Variants in FAM193A observed in about 807,000 individuals in gnomAD.
FAM193A encodes family with sequence similarity 193 member A, also known as protein FAM193A.
FAM193A carries 22 observed loss-of-function variants against 126.5 expected under a neutral mutation model. The ratio of observed to expected loss-of-function variants is 0.17; its 90% CI spans 0.12 to 0.25. The LOEUF is 0.25. FAM193A is among the 10% of genes least tolerant of loss of function. FAM193A has a pLI of 1.00. For synonymous variants in FAM193A, 761 were observed against 646.8 expected (o/e 1.18, Z -2.68); for missense variants, 1,675 against 1,672.8 (o/e 1.00, Z -0.02).
chr4:2,599,221 T>C (rs1406165934), intron 2 of FAM193A, among the ~76,000 whole-genome samples: 4 of 152,144 alleles, frequency 2.6e-5, no homozygotes, highest in African/African-American at 9.7e-5. Context: ...AAACTGTTTT[T>C]TTTTTTTCTA....
At chr4:2,688,015 C>T (rs1188657928) in intron 13 of FAM193A, among the ~76,000 whole-genome samples, 7 of 152,150 alleles carry the variant, frequency 4.6e-5, no homozygotes, top group Non-Finnish European at 2.9e-5. Context: ...GGAACCCTCC[C>T]ACTTGAGTTT....
chr4:2,572,980 A>G (rs1398354302), intron 1 of FAM193A, among the ~76,000 whole-genome samples: 1 of 152,056 alleles, frequency 6.6e-6, no homozygotes, highest in Admixed American at 6.6e-5. Context: ...TTTCCTCTGC[A>G]TAGGGAATAC....
At chr4:2,657,028 G>C (rs2282767) in intron 7 of FAM193A, among the ~76,000 whole-genome samples, 49,350 of 152,004 alleles carry the variant, frequency 0.32, 9,474 homozygotes, top group Admixed American at 0.52. Context: ...TGAGCTGGGC[G>C]TGGTGGCGGG....
intron 1 of FAM193A, among the ~76,000 whole-genome samples, chr4:2,565,696 A>T (rs548746024): frequency 6.6e-6 from 1 of 152,346 alleles, no homozygotes; most frequent in East Asian, 1.9e-4. Context: ...TGCATAGGGA[A>T]CTGCTTACAG....
intron 1 of FAM193A, among the ~76,000 whole-genome samples, chr4:2,549,466 G>A (rs1186637618): frequency 3.0e-5 from 4 of 132,608 alleles, no homozygotes; most frequent in Non-Finnish European, 4.7e-5. Flanking sequence ...GCGGGATCTC[G>A]GCTCACTGCA....
At chr4:2,622,283 A>C (rs2515929) in intron 2 of FAM193A, among the ~76,000 whole-genome samples, 7 of 142,162 alleles carry the variant, frequency 4.9e-5, no homozygotes, top group African/African-American at 1.6e-4. Flanking sequence ...AAAAAAAAAA[A>C]CCTAAATGTC....
Position 2,699,921 on chromosome 4 carries a change from C to G in FAM193A, c.3749C>G (p.Thr1250Arg), listed in dbSNP as rs747551417. 1 of 1,613,964 alleles carries G rather than the reference C, an allele frequency of 6.2e-7. No individual in the cohort carries two copies. Among genetic ancestry groups the G allele is most frequent in the African/African-American group, 1.3e-5 (1 of 74,874 alleles). Reference protein sequence around the residue: ...DMLTRNFQAATESVPNSGNIH... With the variant: ...DMLTRNFQAARESVPNSGNIH... The stretch of plus-strand genomic sequence containing the variant: ...CTCACTAGAAATTTCCAGGCAGCAA[C>G]AGAGTCTGTTCCTAACTCTGGAAAC... The change falls in exon 19 of 21, where the codon ACA becomes AGA. Residue 1250 changes from threonine to arginine, a missense_variant. Around this residue, in one of 4 missense-constraint regions of FAM193A, gnomAD observed 415 missense variants for 396.7 expected, o/e 1.05. Transcript: ENST00000637812.
chr4:2,566,365 G>C (rs1738951007), intron 1 of FAM193A, among the ~76,000 whole-genome samples: 1 of 151,996 alleles, frequency 6.6e-6, no homozygotes, highest in Admixed American at 6.6e-5. Context: ...ATTGCTTTTT[G>C]ATAGAAGGTT....
intron 5 of FAM193A, among the ~76,000 whole-genome samples, chr4:2,636,146 C>G (rs923560039): frequency 1.4e-4 from 21 of 151,884 alleles, no homozygotes; most frequent in African/African-American, 5.1e-4. Context: ...TCACTGCAAC[C>G]TCTGCTTCCT....
intron 2 of FAM193A, among the ~76,000 whole-genome samples, chr4:2,598,785 T>C (rs891091952): frequency 2.6e-5 from 4 of 152,244 alleles, no homozygotes; most frequent in Admixed American, 6.5e-5. Context: ...GGGCTGTCTC[T>C]AGCACTGTGC....
Position 2,646,832 on chromosome 4 carries a change from G to T in FAM193A, c.1311G>T (p.Gln437His). 6.2e-7 allele frequency: 1 copy of T among 1,611,128 alleles called. No individual in the cohort carries two copies. Among genetic ancestry groups the T allele is most frequent in the South Asian group, 1.1e-5 (1 of 90,650 alleles). ...QKRIDAYVDE[Q>H]MTMKTKQRML... ...GGATCGACGCCTATGTCGACGAGCA[G>T]GTGAGTGCCACCCGGGACCACCGCA... The change falls in exon 7 of 21, where the codon CAG becomes CAT. Residue 437 changes from glutamine to histidine, a missense_variant and splice_region_variant. Coordinates refer to ENST00000637812, the MANE Select transcript of FAM193A (RefSeq NM_001366318.2).
intron 9 of FAM193A, 34 bp downstream of exon 9, chr4:2,659,704 C>G: frequency 6.2e-7 from 1 of 1,610,312 alleles, no homozygotes; most frequent in Non-Finnish European, 8.5e-7. Flanking sequence ...CACGACTGGC[C>G]CATTGGACCT....
intron 5 of FAM193A, among the ~76,000 whole-genome samples, chr4:2,634,887 T>G (rs1743938174): frequency 6.6e-6 from 1 of 152,226 alleles, no homozygotes; most frequent in South Asian, 2.1e-4. Context: ...GAGACTACAA[T>G]GAATCTATGT....
In FAM193A at chr4:2,545,693, A is replaced by T. The variant is rs144194070; in HGVS notation, c.255+8523A>T. On this transcript the variant is annotated intron_variant, in intron 1 of 20. Transcript: ENST00000637812. ...AGCAAAATTGATACTAATTAAAAAA[A>T]TTTTTTGAAACAGACTCTGACTCTG... is the stretch of plus-strand genomic sequence containing the variant. Among the ~76,000 whole-genome samples, 151 of 152,184 alleles carry T rather than the reference A, an allele frequency of 9.9e-4. 1 individual carries two copies. In the East Asian group the frequency reaches 0.022, roughly 22 times the overall value.
At chr4:2,680,533 C>T (rs116395799) in intron 13 of FAM193A, among the ~76,000 whole-genome samples, 466 of 152,046 alleles carry the variant, frequency 3.1e-3, no homozygotes, top group African/African-American at 0.011. Context: ...GACAGGGTCT[C>T]ACTATGTTAC....
Position 2,631,086 on chromosome 4 carries a change from C to T in FAM193A, c.955C>T (p.His319Tyr), listed in dbSNP as rs1743527536. ...PSGLQGPPQA[H>Y]QFISLLLEEY... is the part of the protein sequence containing the mutation. ...TGGCCTGCAGGGCCCGCCGCAAGCG[C>T]ACCAGTTCATCTCCCTCCTGCTTGA... Residue 319 changes from histidine (H) to tyrosine (Y), a missense_variant, in exon 5 of 21, where the codon CAC (histidine) becomes TAC (tyrosine). Coordinates refer to ENST00000637812, the MANE Select transcript of FAM193A (RefSeq NM_001366318.2). 1 of 1,613,906 alleles carries T rather than the reference C, an allele frequency of 6.2e-7. No homozygotes were observed. The highest frequency in any genetic ancestry group is 8.5e-7 in the Non-Finnish European group (1 of 1,180,016).
At chr4:2,654,691 A>G (rs1046843397) in intron 7 of FAM193A, 3 of 162,686 alleles carry the variant, frequency 1.8e-5, no homozygotes, top group Admixed American at 6.1e-5. Flanking sequence ...ATTGGCACCA[A>G]TATTGAATCT....
rs1254027163 is a variant in FAM193A, at chr4:2,659,566, T to C, written c.1398T>C (p.Asn466=). The part of the protein sequence containing the change: ...QRRFIEEQLT[N]KKAVTGENNF... ...TTTAAAATTTCCTCTAGTTAACCAATAAGAAAGCAGTTACTGGCGAGAACA... is the reference window on the plus strand; with the variant it reads ...TTTAAAATTTCCTCTAGTTAACCAACAAGAAAGCAGTTACTGGCGAGAACA... Residue 466 remains asparagine, a synonymous_variant, in exon 9 of 21, where the codon AAT becomes AAC. Coordinates refer to ENST00000637812, the MANE Select transcript of FAM193A (RefSeq NM_001366318.2). 18 of 1,612,506 alleles carry C rather than the reference T, an allele frequency of 1.1e-5. No individual in the cohort carries two copies. Among genetic ancestry groups the C allele is most frequent in the East Asian group, 6.7e-5 (3 of 44,880 alleles).
chr4:2,598,252 A>T (rs986917100), intron 2 of FAM193A, among the ~76,000 whole-genome samples: 3 of 152,160 alleles, frequency 2.0e-5, no homozygotes, highest in Admixed American at 6.5e-5. Context: ...TACTTCTGTA[A>T]CTTGCATAAT....
Sources: allele counts gnomAD v4.1 joint callset (sites outside exome capture counted in the v4.1 genomes callset), GRCh38; gene constraint gnomAD v4.1.1; regional missense constraint gnomAD v4.1.1; transcripts MANE v1.5; gene names NCBI Gene and HGNC (gene_info 2026-07-23, HGNC 2026-07-21).